TTL: variants seen among roughly 807,000 people sequenced by gnomAD.
TTL encodes tubulin tyrosine ligase, also known as tubulin--tyrosine ligase.
TTL carries 10 observed loss-of-function variants against 41.1 expected under a neutral mutation model. The observed-to-expected ratio is 0.24, with a 90% CI of 0.15 to 0.41. The LOEUF is 0.41. TTL is among the 10% of genes least tolerant of loss of function. The pLI is 1.00. For synonymous variants in TTL, 175 were observed against 175.5 expected (o/e 1.00, Z 0.02); for missense variants, 367 against 460.4 (o/e 0.80, Z 1.86).
At chr2:112,488,871 G>A (rs1184899772) in intron 2 of TTL, among the ~76,000 whole-genome samples, 7 of 152,034 alleles carry the variant, frequency 4.6e-5, no homozygotes, top group South Asian at 4.2e-4. Context: ...GGCGGATCAC[G>A]ATGTCAAGAG....
chr2:112,529,375 C>T lies in TTL; in HGVS notation c.*580C>T, dbSNP rs953068024. 10 of 229,248 alleles carry T rather than the reference C, an allele frequency of 4.4e-5. No individual in the cohort carries two copies. The highest frequency in any genetic ancestry group is 1.8e-4 in the South Asian group (1 of 5,522). The allele number at this position is 229,248 out of a possible 1,614,324, so 14.2% of individuals were successfully genotyped here. On this transcript the variant is annotated 3_prime_UTR_variant, in exon 7 of 7. Transcript: ENST00000233336. ...GGTCAGTCACCTGTCAGGGTTTGTGCGGGTTGGGCCCCAAAACAGCATATG... is the reference window on the plus strand; with the variant it reads ...GGTCAGTCACCTGTCAGGGTTTGTGTGGGTTGGGCCCCAAAACAGCATATG...
At chr2:112,491,286 C>T (rs912206160) in intron 2 of TTL, among the ~76,000 whole-genome samples, 3 of 152,222 alleles carry the variant, frequency 2.0e-5, no homozygotes, top group Non-Finnish European at 2.9e-5. Flanking sequence ...CCACCACTCC[C>T]GGCTGAGTTT....
chr2:112,510,477 CT>C (rs997890997), intron 5 of TTL, among the ~76,000 whole-genome samples: 40 of 145,768 alleles, frequency 2.7e-4, no homozygotes, highest in Admixed American at 2.7e-4. Context: ...TGAGATATTT[CT>C]TTTTTTTTTT....
At chr2:112,502,851 G>A in intron 4 of TTL, 61 bp from the exon 5 acceptor site, 4 of 1,543,084 alleles carry the variant, frequency 2.6e-6, no homozygotes, top group South Asian at 2.5e-5. Flanking sequence ...GGGGATTGAT[G>A]TATATAATAT....
intron 2 of TTL, among the ~76,000 whole-genome samples, chr2:112,487,145 A>G (rs1681262862): frequency 6.6e-6 from 1 of 152,200 alleles, no homozygotes; most frequent in Non-Finnish European, 1.5e-5. Context: ...ATATGACTCA[A>G]TGCAAAATGC....
intron 2 of TTL, among the ~76,000 whole-genome samples, chr2:112,489,911 C>T (rs190293649): frequency 6.6e-6 from 1 of 152,212 alleles, no homozygotes; most frequent in Non-Finnish European, 1.5e-5. Flanking sequence ...ATTTGACAAA[C>T]ATTCCTTTTA....
At position 112,528,956 on chromosome 2, in the gene TTL, AAG is replaced by A; in HGVS notation, c.*166_*167del. On this transcript the variant is annotated 3_prime_UTR_variant, in exon 7 of 7. Coordinates refer to ENST00000233336, the MANE Select transcript of TTL (RefSeq NM_153712.5). ...ACGTGAGCAGAGGAGGCAGCTCCCA[AAG>A]AGAGGGCTGCTCAGGGGGCTTCCCA... is the stretch of plus-strand genomic sequence containing the variant. 1.6e-6 allele frequency: 1 copy of A among 644,008 alleles called. No homozygotes were observed. Among genetic ancestry groups the A allele is most frequent in the South Asian group, 1.9e-5 (1 of 53,372 alleles). 39.9% of individuals were successfully genotyped at this position (644,008 alleles called of 1,614,324 possible). A position where few individuals can be genotyped will look rare whatever the true frequency, so the allele number is the denominator to read the frequency against.
intron 2 of TTL, among the ~76,000 whole-genome samples, chr2:112,488,248 A>G (rs1681293956): frequency 6.6e-6 from 1 of 152,178 alleles, no homozygotes; most frequent in African/African-American, 2.4e-5. Flanking sequence ...TATAGATGTA[A>G]ATAAATCTCC....
rs1310854962 is a variant in TTL, at chr2:112,541,095, AC to A, written c.*12301del. 3 of 152,196 alleles carry A rather than the reference AC, an allele frequency of 2.0e-5. No homozygotes were observed. Among genetic ancestry groups the A allele is most frequent in the Non-Finnish European group, 4.4e-5 (3 of 68,032 alleles). The allele number at this position is 152,196 out of a possible 1,614,324, so 9.4% of individuals were successfully genotyped here. On this transcript the variant is annotated 3_prime_UTR_variant, in exon 7 of 7. Transcript: ENST00000233336. ...GATTACATCGTATGCCTATATGAAA[AC>A]ATCTCATATACCTCATAAATATGCT...
intron 2 of TTL, among the ~76,000 whole-genome samples, chr2:112,493,400 G>T (rs1681444313): frequency 6.6e-6 from 1 of 151,950 alleles, no homozygotes; most frequent in Admixed American, 6.6e-5. Flanking sequence ...CATGTTGGCT[G>T]GTCCTCACTA....
At chr2:112,511,666 G>T (rs1404187609) in intron 5 of TTL, among the ~76,000 whole-genome samples, 1 of 151,558 alleles carries the variant, frequency 6.6e-6, no homozygotes, top group Non-Finnish European at 1.5e-5. Context: ...CCAGGCTCAA[G>T]CCATCCTCCC....
intron 5 of TTL, among the ~76,000 whole-genome samples, chr2:112,519,784 C>G (rs774148835): frequency 1.9e-4 from 29 of 152,000 alleles, no homozygotes; most frequent in Non-Finnish European, 7.4e-5. Context: ...AGTTTTCTAA[C>G]AAATGCTTGA....
At chr2:112,502,234 G>C (rs534458330) in intron 4 of TTL, among the ~76,000 whole-genome samples, 1 of 152,228 alleles carries the variant, frequency 6.6e-6, no homozygotes, top group East Asian at 1.9e-4. Context: ...ACGATTTGTC[G>C]CTTCTTGAAC....
At position 112,541,450 on chromosome 2, in the gene TTL, A is replaced by C. The variant is rs1574081063; in HGVS notation, c.*12655A>C. 1 of 152,230 alleles carries C rather than the reference A, an allele frequency of 6.6e-6. No homozygotes were observed. Among genetic ancestry groups the C allele is most frequent in the South Asian group, 2.1e-4 (1 of 4,838 alleles). The allele number at this position is 152,230 out of a possible 1,614,324, so 9.4% of individuals were successfully genotyped here. On this transcript the variant is annotated 3_prime_UTR_variant, in exon 7 of 7. Transcript: ENST00000233336. ...GATCACTAGAGGCCGGAAGTTCAAG[A>C]CCAGCCTGTGCAACAGACTCCCGGC...
At chr2:112,502,472 A>C (rs559865367) in intron 4 of TTL, among the ~76,000 whole-genome samples, 58 of 152,164 alleles carry the variant, frequency 3.8e-4, no homozygotes, top group Non-Finnish European at 6.6e-4. Flanking sequence ...CCCTGTCTCT[A>C]CAAAAAATAC....
At chr2:112,520,489 TGG>T (rs1682195371) in intron 6 of TTL, 64 bp downstream of exon 6, 2 of 1,587,822 alleles carry the variant, frequency 1.3e-6, no homozygotes, top group Non-Finnish European at 1.7e-6. Flanking sequence ...GGATAGTCTG[TGG>T]GTACAAGTGT....
intron 6 of TTL, chr2:112,522,304 ATCCT>A (rs1320315743): frequency 4.6e-5 from 7 of 152,536 alleles, no homozygotes; most frequent in African/African-American, 1.7e-4. Context: ...GCTGGCTCCC[ATCCT>A]GATTGCCTCA....
Position 112,530,704 on chromosome 2 carries a change from C to T in TTL, c.*1909C>T, listed in dbSNP as rs1403943634. 2.9e-5 allele frequency: 6 copies of T among 209,840 alleles called. No individual in the cohort carries two copies. The highest frequency in any genetic ancestry group is 2.1e-4 in the East Asian group (3 of 14,040). 13.0% of individuals were successfully genotyped at this position (209,840 alleles called of 1,614,324 possible). ...TGGACCCAAATTATAGAGACATTCA[C>T]GAGTTTTCTAGCCCTCACAGTAACA... On this transcript the variant is annotated 3_prime_UTR_variant, in exon 7 of 7. Coordinates refer to ENST00000233336, the MANE Select transcript of TTL (RefSeq NM_153712.5).
In TTL at chr2:112,494,394, C is replaced by G; in HGVS notation, c.469+19C>G. ...GCCAAAGGTGAGTTGGCACTGCTGT[C>G]CCCTTCTCTATTCCTGGTAAGTTGC... On this transcript the variant is annotated intron_variant, in intron 3 of 6. Coordinates refer to ENST00000233336, the MANE Select transcript of TTL (RefSeq NM_153712.5). 6.3e-7 allele frequency: 1 copy of G among 1,579,462 alleles called. No homozygotes were observed.
Sources: allele counts gnomAD v4.1 joint callset (sites outside exome capture counted in the v4.1 genomes callset), GRCh38; gene constraint gnomAD v4.1.1; transcripts MANE v1.5; gene names NCBI Gene and HGNC (gene_info 2026-07-23, HGNC 2026-07-21).